CCDC88A: variants seen among roughly 807,000 people sequenced by gnomAD.
CCDC88A encodes the protein girdin.
Under a neutral mutation model 234.3 loss-of-function variants are expected in CCDC88A, and 54 were observed. That is an observed-to-expected ratio of 0.23 (90% confidence interval 0.19 to 0.29). The LOEUF is 0.29. Among genes scored for constraint, CCDC88A ranks in the 10% least tolerant of loss-of-function variants. The probability of loss-of-function intolerance (pLI) is 1.00; values close to 1 mark genes in which losing one functional copy is unlikely to be tolerated. For missense variants in CCDC88A, 1,832 were observed against 2,123.4 expected (o/e 0.86, Z 2.70); for synonymous variants, 753 against 737.8 (o/e 1.02, Z -0.33).
At chr2:55,388,617 T>C (rs1041204730) in intron 3 of CCDC88A, 161 bp downstream of exon 3, 9 of 403,626 alleles carry the variant, frequency 2.2e-5, no homozygotes, top group African/African-American at 1.5e-4. Context: ...GCCTTTAACA[T>C]TCATAAAAAA....
intron 14 of CCDC88A, among the ~76,000 whole-genome samples, chr2:55,336,397 C>T (rs981792783): frequency 3.9e-5 from 6 of 151,950 alleles, no homozygotes; most frequent in South Asian, 2.1e-4. Context: ...ACTCTAGAAT[C>T]GGCAGCCCTA....
At chr2:55,392,438 T>C (rs1029329321) in intron 2 of CCDC88A, among the ~76,000 whole-genome samples, 1 of 152,240 alleles carries the variant, frequency 6.6e-6, no homozygotes, top group Non-Finnish European at 1.5e-5. Flanking sequence ...GACAGCTCTA[T>C]AGCATTGAGT....
chr2:55,302,127 T>A, intron 26 of CCDC88A, 55 bp from the exon 27 acceptor site: 1 of 1,412,296 alleles, frequency 7.1e-7, no homozygotes, highest in Non-Finnish European at 1.0e-6. Context: ...TTGTTCTTAT[T>A]TCTATTTTGT....
intron 18 of CCDC88A, among the ~76,000 whole-genome samples, chr2:55,319,836 C>T (rs1683403888): frequency 6.6e-6 from 1 of 151,992 alleles, no homozygotes; most frequent in Non-Finnish European, 1.5e-5. Context: ...ACAAAGAACC[C>T]TCCAGAAAAC....
chr2:55,296,248 T>C lies in CCDC88A; in HGVS notation c.5091+10A>G. On this transcript the variant is annotated intron_variant, in intron 30 of 32. Coordinates refer to ENST00000436346, the MANE Select transcript of CCDC88A (RefSeq NM_001365480.1). Reference sequence around the variant, plus strand: ...TCATCTAAATTAAGGTCATCATAGATAAAACTAACCTGTACTGAGGTAAGC... The same window carrying C: ...TCATCTAAATTAAGGTCATCATAGACAAAACTAACCTGTACTGAGGTAAGC... 1.2e-6 allele frequency: 2 copies of C among 1,611,392 alleles called. No homozygotes were observed. Among genetic ancestry groups the C allele is most frequent in the Non-Finnish European group, 1.7e-6 (2 of 1,178,886 alleles).
chr2:55,409,817 T>G (rs907753749), intron 2 of CCDC88A, among the ~76,000 whole-genome samples: 1 of 146,752 alleles, frequency 6.8e-6, no homozygotes, highest in East Asian at 2.2e-4. Flanking sequence ...CTCGGCTCAC[T>G]GCAACCTCCG....
intron 2 of CCDC88A, among the ~76,000 whole-genome samples, chr2:55,414,560 G>A (rs1315420712): frequency 6.6e-6 from 1 of 152,244 alleles, no homozygotes. Flanking sequence ...GCTTCAAAAA[G>A]CTACTCAATG....
intron 19 of CCDC88A, among the ~76,000 whole-genome samples, chr2:55,318,598 G>A (rs544797292): frequency 3.5e-4 from 53 of 152,086 alleles, no homozygotes; most frequent in African/African-American, 1.0e-3. Context: ...TTTTACAATC[G>A]ACTTAATGAA....
chr2:55,340,492 G>A (rs1668339177), intron 12 of CCDC88A, among the ~76,000 whole-genome samples: 1 of 152,196 alleles, frequency 6.6e-6, no homozygotes, highest in Admixed American at 6.5e-5. Context: ...TCATCATGTT[G>A]TTAATCTTTT....
chr2:55,405,152 T>C (rs374376017), intron 2 of CCDC88A: 20 of 152,294 alleles, frequency 1.3e-4, no homozygotes, highest in African/African-American at 4.3e-4. Flanking sequence ...AAATCATACA[T>C]GCAGTATGCT....
At chr2:55,394,052 G>A (rs1340397626) in intron 2 of CCDC88A, 3 of 151,942 alleles carry the variant, frequency 2.0e-5, no homozygotes, top group Non-Finnish European at 4.4e-5. Context: ...TTTAACTTGT[G>A]AGCTCAAAAA....
chr2:55,367,528 G>GCTTTTTTTTTTTTTTTTTTTTTTTTT (rs1672164611), intron 5 of CCDC88A, among the ~76,000 whole-genome samples: 1 of 99,890 alleles, frequency 1.0e-5, no homozygotes, highest in African/African-American at 4.3e-5. Context: ...TTATTTCCTT[G>GCTTTTTTTTTTTTTTTTTTTTTTTTT]TTTTTTTTTA....
At chr2:55,365,849 A>C (rs1671864629) in intron 5 of CCDC88A, among the ~76,000 whole-genome samples, 6 of 152,244 alleles carry the variant, frequency 3.9e-5, no homozygotes, top group Admixed American at 3.9e-4. Flanking sequence ...TCAAATTTCT[A>C]TATGAGAGCT....
chr2:55,344,644 G>T, intron 10 of CCDC88A, 130 bp from the exon 11 acceptor site: 2 of 458,366 alleles, frequency 4.4e-6, no homozygotes, highest in Non-Finnish European at 7.4e-6. Context: ...CTGAGTAATA[G>T]AAATACAATT....
intron 2 of CCDC88A, among the ~76,000 whole-genome samples, chr2:55,412,226 T>C (rs753411897): frequency 1.3e-5 from 2 of 152,128 alleles, no homozygotes; most frequent in Non-Finnish European, 2.9e-5. Context: ...CCCTAAACAG[T>C]AATACTGCAA....
At chr2:55,359,108 C>G (rs1030227885) in intron 7 of CCDC88A, among the ~76,000 whole-genome samples, 1 of 152,110 alleles carries the variant, frequency 6.6e-6, no homozygotes, top group Non-Finnish European at 1.5e-5. Context: ...TTTGTACTTA[C>G]AAATAATGTA....
Position 55,372,578 on chromosome 2 carries a change from C to T in CCDC88A, c.344-68G>A, listed in dbSNP as rs537056202. The T allele has an allele frequency of 6.4e-6, 5 of 781,478 alleles. No individual in the cohort carries two copies. In the South Asian group the frequency reaches 8.3e-5, roughly 13 times the overall value. The allele number at this position is 781,478 out of a possible 1,614,324, so 48.4% of individuals were successfully genotyped here. ...TTCAACTCTATTATATTTGGAGAAT[C>T]ACTTCTAGAGGTAATTATGCACAGT... On this transcript the variant is annotated intron_variant, in intron 4 of 32. Transcript: ENST00000436346.
At position 55,344,412 on chromosome 2, in the gene CCDC88A, T is replaced by C; in HGVS notation, c.1144A>G (p.Lys382Glu). The change falls in exon 11 of 33, where the codon AAA becomes GAA. Residue 382 changes from lysine to glutamate, a missense_variant. Physicochemically the swap from Lys to Glu is moderately conservative, Grantham distance 56. Around this residue, in one of 6 missense-constraint regions of CCDC88A, gnomAD observed 1,282 missense variants for 1,543.6 expected, o/e 0.83. Coordinates refer to ENST00000436346, the MANE Select transcript of CCDC88A (RefSeq NM_001365480.1). ...TTAGCTTTCAGTTGTAAGTTCTCTTTTTCTAATTCATGTAATTTATCAGAA... is the reference window on the plus strand; with the variant it reads ...TTAGCTTTCAGTTGTAAGTTCTCTTCTTCTAATTCATGTAATTTATCAGAA... ...ARSDKLHELE[K>E]ENLQLKAKLH... 6.3e-7 allele frequency: 1 copy of C among 1,592,074 alleles called. No individual in the cohort carries two copies. The highest frequency in any genetic ancestry group is 8.6e-7 in the Non-Finnish European group (1 of 1,166,876).
chr2:55,366,933 T>TAG (rs1672059577), intron 5 of CCDC88A, among the ~76,000 whole-genome samples: 1 of 152,164 alleles, frequency 6.6e-6, no homozygotes, highest in Non-Finnish European at 1.5e-5. Flanking sequence ...TAAGCAGGGA[T>TAG]TCAAACAGAC....
Sources: allele counts gnomAD v4.1 joint callset (sites outside exome capture counted in the v4.1 genomes callset), GRCh38; gene constraint gnomAD v4.1.1; regional missense constraint gnomAD v4.1.1; transcripts MANE v1.5; gene names NCBI Gene and HGNC (gene_info 2026-07-23, HGNC 2026-07-21).